The following PTPRB variants were observed in gnomAD, a reference collection of about 807,000 sequenced individuals.
PTPRB encodes the protein protein tyrosine phosphatase receptor type B.
PTPRB carries 97 observed loss-of-function variants against 238.1 expected under a neutral mutation model. That is an observed-to-expected ratio of 0.41 (90% CI 0.35 to 0.48). The LOEUF (loss-of-function observed/expected upper bound fraction) is 0.48, where lower values mean the gene tolerates loss of function less well. Among genes scored for constraint, PTPRB ranks in the 20% least tolerant of loss-of-function variants. PTPRB has a pLI of 0.30. For synonymous variants in PTPRB, 970 were observed against 995.4 expected (o/e 0.97, Z 0.48); for missense variants, 2,292 against 2,681.9 (o/e 0.85, Z 3.21).
chr12:70,612,593 A>G (rs1884505735), intron 3 of PTPRB, among the ~76,000 whole-genome samples: 1 of 152,164 alleles, frequency 6.6e-6, no homozygotes, highest in South Asian at 2.1e-4. Context: ...CCTTGCCACC[A>G]GGAAACCTTT....
rs1473757902 is a variant in PTPRB at position 70,516,267 on chromosome 12, A to G, written c.*5222T>C. The G allele has an allele frequency of 6.6e-6, 1 of 152,226 alleles. No individual in the cohort carries two copies. Among genetic ancestry groups the G allele is most frequent in the Non-Finnish European group, 1.5e-5 (1 of 68,034 alleles). The allele number at this position is 152,226 out of a possible 1,614,324, so 9.4% of individuals were successfully genotyped here. On this transcript the variant is annotated 3_prime_UTR_variant, in exon 34 of 34. Coordinates refer to ENST00000334414, the MANE Select transcript of PTPRB (RefSeq NM_001109754.4). ...ACACTGACTACCTAACATCCAAAAT[A>G]TCAGGCCAGGAGCAATTTCAAGAAG...
chr12:70,564,873 T>C (rs56340981), intron 15 of PTPRB, among the ~76,000 whole-genome samples: 46,938 of 119,246 alleles, frequency 0.39, 8,410 homozygotes, highest in East Asian at 0.48. Context: ...ATAATAATAA[T>C]AATAATAATA....
intron 11 of PTPRB, among the ~76,000 whole-genome samples, chr12:70,572,301 C>T (rs1341880462): frequency 6.6e-6 from 1 of 152,140 alleles, no homozygotes; most frequent in Non-Finnish European, 1.5e-5. Context: ...AGCTGATGAA[C>T]TCATTCTAAG....
intron 9 of PTPRB, among the ~76,000 whole-genome samples, chr12:70,584,387 C>T (rs1394356104): frequency 6.6e-6 from 1 of 152,032 alleles, no homozygotes; most frequent in East Asian, 1.9e-4. Context: ...TGTAGAAAGA[C>T]ACTAGTTGGA....
At chr12:70,569,088 AATTTATTTATTT>A (rs946524974) in intron 14 of PTPRB, among the ~76,000 whole-genome samples, 2 of 151,884 alleles carry the variant, frequency 1.3e-5, no homozygotes, top group African/African-American at 2.4e-5. Flanking sequence ...TCCTTATTAA[AATTTATTTATTT>A]ATTTATTTAC....
chr12:70,526,733 C>T (rs1196253378), intron 32 of PTPRB, among the ~76,000 whole-genome samples: 1 of 152,208 alleles, frequency 6.6e-6, no homozygotes, highest in Non-Finnish European at 1.5e-5. Flanking sequence ...TGACACCTCC[C>T]TGTTTCCTCC....
At chr12:70,562,086 A>G (rs970820031) in intron 16 of PTPRB, among the ~76,000 whole-genome samples, 17 of 152,222 alleles carry the variant, frequency 1.1e-4, no homozygotes, top group Non-Finnish European at 2.4e-4. Context: ...CCTGGGCAAT[A>G]CAGGGAGGCC....
At chr12:70,561,737 T>G (rs1299360421) in intron 16 of PTPRB, among the ~76,000 whole-genome samples, 1 of 152,218 alleles carries the variant, frequency 6.6e-6, no homozygotes, top group Non-Finnish European at 1.5e-5. Flanking sequence ...TTCTCCTATC[T>G]AAAGCAGTTG....
At chr12:70,533,098 T>C (rs548956950) in intron 31 of PTPRB, among the ~76,000 whole-genome samples, 1 of 152,322 alleles carries the variant, frequency 6.6e-6, no homozygotes, top group South Asian at 2.1e-4. Flanking sequence ...AGCAGAACTC[T>C]TGGGTTGGTC....
Position 70,622,407 on chromosome 12 carries a change from A to C in PTPRB, c.691T>G (p.Ser231Ala), listed in dbSNP as rs371727556. The C allele has an allele frequency of 4.2e-5, 67 of 1,611,998 alleles. 1 individual carries two copies. The highest frequency in any genetic ancestry group is 8.3e-5 in the Admixed American group (5 of 59,978). ...SWVLSTTQPF[S>A]STTEETGLAE... is the part of the protein sequence containing the mutation. ...CCTTTTACCTCTTCAGTGGTGCTGG[A>C]GAAGGGCTGAGTAGTCGACAAAACC... The change falls in exon 3 of 34, where the codon TCC becomes GCC. Residue 231 changes from serine to alanine, a missense_variant. Physicochemically the swap from Ser to Ala is moderately conservative, Grantham distance 99. Around this residue, in one of 4 missense-constraint regions of PTPRB, gnomAD observed 1,205 missense variants for 1,287.8 expected, o/e 0.94. Transcript: ENST00000334414.
intron 2 of PTPRB, among the ~76,000 whole-genome samples, chr12:70,631,594 T>G (rs1885456381): frequency 6.6e-6 from 1 of 151,898 alleles, no homozygotes; most frequent in South Asian, 2.1e-4. Context: ...CTAATTAAAC[T>G]AAAGAGCTTC....
chr12:70,525,067 A>G (rs1328821840), intron 32 of PTPRB, among the ~76,000 whole-genome samples: 2 of 151,992 alleles, frequency 1.3e-5, no homozygotes, highest in African/African-American at 4.8e-5. Context: ...AATTGAGTAG[A>G]TGAACAAATG....
At chr12:70,566,833 C>T in intron 14 of PTPRB, 129 bp from the exon 15 acceptor site, 1 of 997,016 alleles carries the variant, frequency 1.0e-6, no homozygotes, top group Non-Finnish European at 1.5e-6. Context: ...GTGTCATTGA[C>T]ACTTTCTGTG....
At chr12:70,556,789 A>G (rs1463267546) in intron 18 of PTPRB, among the ~76,000 whole-genome samples, 1 of 152,206 alleles carries the variant, frequency 6.6e-6, no homozygotes, top group Admixed American at 6.5e-5. Flanking sequence ...CAACTTACAT[A>G]TAGAGAAGCA....
At position 70,569,745 on chromosome 12, in the gene PTPRB, C is replaced by A; in HGVS notation, c.3564G>T (p.Glu1188Asp). 1 of 1,613,910 alleles carries A rather than the reference C, an allele frequency of 6.2e-7. No homozygotes were observed. Among genetic ancestry groups the A allele is most frequent in the Non-Finnish European group, 8.5e-7 (1 of 1,179,868 alleles). ...EHTFHRLEAG[E>D]QYQIMIASVS... The stretch of plus-strand genomic sequence containing the variant: ...CTGAGGCAATCATGATCTGGTACTG[C>A]TCCCCGGCCTCCAGTCTGTGGAACG... The change falls in exon 14 of 34, where the codon GAG becomes GAT. Residue 1188 changes from glutamate to aspartate, a missense_variant. Transcript: ENST00000334414.
chr12:70,596,185 C>G lies in PTPRB; in HGVS notation c.1122G>C (p.Gly374=). The change falls in exon 5 of 34, where the codon GGG becomes GGC. Residue 374 remains glycine (G), a synonymous_variant. Transcript: ENST00000334414. ...LFDENNQKIQ[G]VQIQESTSWN... ...ATGAAGTACTTTCTTGAATTTGAAC[C>G]CCCTGTATCTTTTGGTTATTTTCAT... is the stretch of plus-strand genomic sequence containing the variant. 6.2e-7 allele frequency: 1 copy of G among 1,613,286 alleles called. No individual in the cohort carries two copies. Among genetic ancestry groups the G allele is most frequent in the Non-Finnish European group, 8.5e-7 (1 of 1,179,752 alleles).
chr12:70,541,069 T>C (rs1196351729), intron 22 of PTPRB, 112 bp from the exon 23 acceptor site: 2 of 851,920 alleles, frequency 2.3e-6, no homozygotes, highest in Non-Finnish European at 3.7e-6. Flanking sequence ...ACAAATAGAA[T>C]TCAAGTGATG....
At chr12:70,535,048 G>C in intron 29 of PTPRB, 93 bp from the exon 30 acceptor site, 1 of 1,409,228 alleles carries the variant, frequency 7.1e-7, no homozygotes, top group South Asian at 1.4e-5. Context: ...TCCAAAGTTA[G>C]GAATCTGGGA....
intron 4 of PTPRB, among the ~76,000 whole-genome samples, chr12:70,597,991 T>A (rs1261775946): frequency 6.6e-6 from 1 of 152,196 alleles, no homozygotes; most frequent in African/African-American, 2.4e-5. Context: ...CAATAATTAA[T>A]AATAACATAA....
Sources: gnomAD v4.1 joint callset for allele counts (sites outside exome capture counted in the v4.1 genomes callset) on GRCh38, gnomAD v4.1.1 for gene constraint, gnomAD v4.1.1 regional missense constraint, MANE v1.5 for transcripts, NCBI Gene and HGNC (gene_info 2026-07-23, HGNC 2026-07-21) for gene names.